Variants in ATF6 observed in about 807,000 individuals in gnomAD.
ATF6 encodes the protein activating transcription factor 6.
In ATF6, 53 loss-of-function variants were observed where a neutral mutation model predicts 83.6. The observed-to-expected ratio is 0.63, with a 90% CI of 0.51 to 0.80. The LOEUF is 0.80. Among genes scored for constraint, ATF6 ranks in the 30% least tolerant of loss-of-function variants. The pLI is 0.00. For synonymous variants in ATF6, 288 were observed against 285.8 expected (o/e 1.01, Z -0.08); for missense variants, 744 against 797.9 (o/e 0.93, Z 0.81).
intron 15 of ATF6, among the ~76,000 whole-genome samples, chr1:161,952,551 C>T (rs1318712121): frequency 6.6e-6 from 1 of 152,072 alleles, no homozygotes; most frequent in Non-Finnish European, 1.5e-5. Context: ...GAATTAAGCT[C>T]CATGAGGACA....
intron 14 of ATF6, among the ~76,000 whole-genome samples, chr1:161,871,427 A>G (rs1428247403): frequency 6.6e-6 from 1 of 151,548 alleles, no homozygotes; most frequent in African/African-American, 2.4e-5. Context: ...AATCCATACA[A>G]CAAACCCCCG....
At chr1:161,876,715 TC>T (rs1158838188) in intron 14 of ATF6, among the ~76,000 whole-genome samples, 1 of 152,050 alleles carries the variant, frequency 6.6e-6, no homozygotes, top group Non-Finnish European at 1.5e-5. Flanking sequence ...CAATGTATGG[TC>T]ATTTTTTATT....
At chr1:161,895,928 AGG>A in intron 14 of ATF6, among the ~76,000 whole-genome samples, 1 of 152,230 alleles carries the variant, frequency 6.6e-6, no homozygotes, top group African/African-American at 2.4e-5. Flanking sequence ...CATTGACATC[AGG>A]CATTTTTAAA....
At chr1:161,931,955 C>CT (rs2101902704) in intron 15 of ATF6, among the ~76,000 whole-genome samples, 1 of 152,188 alleles carries the variant, frequency 6.6e-6, no homozygotes, top group East Asian at 1.9e-4. Context: ...GAAATGAATA[C>CT]TTTATTTTTT....
rs1689096891 is a variant in ATF6, at chr1:161,961,445, A to C, written c.*2791A>C. The C allele has an allele frequency of 6.6e-6, 1 of 152,266 alleles. No homozygotes were observed. Among genetic ancestry groups the C allele is most frequent in the Non-Finnish European group, 1.5e-5 (1 of 68,046 alleles). The allele number at this position is 152,266 out of a possible 1,614,324, so 9.4% of individuals were successfully genotyped here. ...GAGTGAAAGGCAATTGACAAATGCA[A>C]AGAAGTAGTCACTTTTTAAATTGCT... On this transcript the variant is annotated 3_prime_UTR_variant, in exon 16 of 16. Coordinates refer to ENST00000367942, the MANE Select transcript of ATF6 (RefSeq NM_007348.4).
intron 15 of ATF6, among the ~76,000 whole-genome samples, chr1:161,946,739 T>G (rs1315626348): frequency 1.3e-5 from 2 of 152,224 alleles, no homozygotes; most frequent in Admixed American, 1.3e-4. Context: ...TATTTATAAT[T>G]TTTAATGTGG....
chr1:161,787,950 A>G (rs942699465), intron 4 of ATF6, among the ~76,000 whole-genome samples: 2 of 152,234 alleles, frequency 1.3e-5, no homozygotes, highest in Non-Finnish European at 2.9e-5. Context: ...CTCTGTGTAC[A>G]TCAAATCTGT....
intron 7 of ATF6, among the ~76,000 whole-genome samples, chr1:161,816,501 C>T (rs569582079): frequency 1.3e-5 from 2 of 152,280 alleles, no homozygotes; most frequent in Admixed American, 1.3e-4. Context: ...CAGTTTGAAG[C>T]TGTTGTGTAA....
At position 161,766,323 on chromosome 1, in the gene ATF6, T is replaced by C. The variant is rs370820723; in HGVS notation, c.-38T>C. ...GTCCGCCTGCCGCCGCCGTCCCAGA[T>C]ATTAATCACGGAGTTCCAGGGAGAA... On this transcript the variant is annotated 5_prime_UTR_variant, in exon 1 of 16. Transcript: ENST00000367942. The C allele has an allele frequency of 4.1e-5, 66 of 1,597,506 alleles. No homozygotes were observed. Among genetic ancestry groups the C allele is most frequent in the Non-Finnish European group, 5.2e-5 (61 of 1,166,042 alleles).
intron 14 of ATF6, among the ~76,000 whole-genome samples, chr1:161,909,436 C>T (rs1192759082): frequency 1.3e-5 from 2 of 151,964 alleles, no homozygotes; most frequent in Admixed American, 1.3e-4. Context: ...AGTCTTTATT[C>T]TGGGTGGCCT....
intron 15 of ATF6, among the ~76,000 whole-genome samples, chr1:161,916,420 T>G (rs924361161): frequency 1.3e-5 from 2 of 152,196 alleles, no homozygotes; most frequent in Admixed American, 1.3e-4. Flanking sequence ...AAAACCTATT[T>G]GAGAGTGAAT....
At chr1:161,803,999 C>A (rs1283994401) in intron 7 of ATF6, among the ~76,000 whole-genome samples, 75 of 119,808 alleles carry the variant, frequency 6.3e-4, no homozygotes, top group Non-Finnish European at 1.1e-3. Context: ...CCCCTCCCCC[C>A]ACCCCACAAC....
chr1:161,900,080 C>T (rs900655356), intron 14 of ATF6, among the ~76,000 whole-genome samples: 12 of 152,070 alleles, frequency 7.9e-5, no homozygotes, highest in Non-Finnish European at 1.5e-4. Flanking sequence ...TACATCACTA[C>T]GACCACCATC....
intron 6 of ATF6, among the ~76,000 whole-genome samples, chr1:161,798,193 CA>C (rs1685065345): frequency 6.6e-6 from 1 of 152,130 alleles, no homozygotes; most frequent in Non-Finnish European, 1.5e-5. Flanking sequence ...TGTACAGGCT[CA>C]AATTATAAAA....
intron 15 of ATF6, among the ~76,000 whole-genome samples, 186 bp downstream of exon 15, chr1:161,912,566 A>C (rs1309111231): frequency 6.6e-6 from 1 of 152,218 alleles, no homozygotes; most frequent in Non-Finnish European, 1.5e-5. Context: ...AAATTACTAC[A>C]TCCCTAAAAG....
At chr1:161,850,539 C>T (rs76508876) in intron 10 of ATF6, among the ~76,000 whole-genome samples, 21,558 of 152,064 alleles carry the variant, frequency 0.14, 2,092 homozygotes, top group East Asian at 0.32. Flanking sequence ...TACTAGAGTT[C>T]GGATTATTTT....
At chr1:161,801,923 A>C in intron 6 of ATF6, 129 bp from the exon 7 acceptor site, 2 of 758,858 alleles carry the variant, frequency 2.6e-6, no homozygotes, top group Admixed American at 2.6e-5. Flanking sequence ...CCAATGTTTT[A>C]ATTGATGGTG....
At chr1:161,889,166 C>T (rs1240574274) in intron 14 of ATF6, among the ~76,000 whole-genome samples, 2 of 152,222 alleles carry the variant, frequency 1.3e-5, no homozygotes, top group African/African-American at 4.8e-5. Flanking sequence ...CCTAATATGG[C>T]ACATGTGTAT....
intron 6 of ATF6, among the ~76,000 whole-genome samples, chr1:161,792,932 G>A (rs1684916701): frequency 6.6e-6 from 1 of 152,188 alleles, no homozygotes. Context: ...GTACTATTCA[G>A]ATATGGGAGT....
Sources: gnomAD v4.1 joint callset for allele counts (sites outside exome capture counted in the v4.1 genomes callset) on GRCh38, gnomAD v4.1.1 for gene constraint, MANE v1.5 for transcripts, NCBI Gene and HGNC (gene_info 2026-07-23, HGNC 2026-07-21) for gene names.